Variants in BPGM observed in about 807,000 individuals in gnomAD.
BPGM encodes bisphosphoglycerate mutase.
In BPGM, 15 loss-of-function variants were observed where a neutral mutation model predicts 21.6. That is an observed-to-expected ratio of 0.70 (90% CI 0.47 to 1.07). BPGM has a LOEUF of 1.07. Ranked by LOEUF, BPGM falls within the 50% of genes least tolerant of loss-of-function variation. The pLI is 0.00. For synonymous variants in BPGM, 113 were observed against 116.2 expected, an observed-to-expected ratio of 0.97 and a Z score of 0.18; for missense variants, 273 against 319.0, an observed-to-expected ratio of 0.86 and a Z score of 1.10.
At chr7:134,662,945 T>C (rs1330458823) in intron 2 of BPGM, among the ~76,000 whole-genome samples, 1 of 152,242 alleles carries the variant, frequency 6.6e-6, no homozygotes, top group African/African-American at 2.4e-5. Flanking sequence ...TGTGACACCT[T>C]CTGGATTTCT....
At chr7:134,668,979 T>C (rs769106975) in intron 2 of BPGM, among the ~76,000 whole-genome samples, 4 of 152,218 alleles carry the variant, frequency 2.6e-5, no homozygotes, top group Non-Finnish European at 5.9e-5. Context: ...GATTGGTTAT[T>C]ACACTACTGT....
intron 2 of BPGM, among the ~76,000 whole-genome samples, chr7:134,669,403 T>G (rs1027850093): frequency 6.6e-6 from 1 of 152,154 alleles, no homozygotes; most frequent in African/African-American, 2.4e-5. Context: ...ATTTTTTTAT[T>G]TTTTTATCCC....
chr7:134,651,136 C>T (rs1015886613), intron 1 of BPGM, among the ~76,000 whole-genome samples: 1 of 152,188 alleles, frequency 6.6e-6, no homozygotes, highest in Non-Finnish European at 1.5e-5. Context: ...AAAACGTCAT[C>T]TGAGTGTCTA....
At chr7:134,653,080 A>G in intron 1 of BPGM, among the ~76,000 whole-genome samples, 3 of 152,354 alleles carry the variant, frequency 2.0e-5, no homozygotes, top group Middle Eastern at 3.4e-3. Context: ...AACGGTTGAA[A>G]TAAATTAATA....
chr7:134,659,466 T>C (rs1025097), intron 1 of BPGM, among the ~76,000 whole-genome samples: 88,269 of 151,564 alleles, frequency 0.58, 26,761 homozygotes, highest in East Asian at 0.89. Context: ...CTTTGTTAGA[T>C]TCATGACTAT....
chr7:134,667,509 C>T (rs1456812477), intron 2 of BPGM, among the ~76,000 whole-genome samples: 4 of 151,974 alleles, frequency 2.6e-5, no homozygotes, highest in Admixed American at 2.6e-4. Context: ...GGCTTGAGAT[C>T]AGCCTGGACA....
At chr7:134,672,243 G>A (rs544280203) in intron 2 of BPGM, among the ~76,000 whole-genome samples, 1 of 151,868 alleles carries the variant, frequency 6.6e-6, no homozygotes, top group East Asian at 2.0e-4. Context: ...CTTAAAGGCA[G>A]ACTTTAAGTA....
chr7:134,661,915 C>G lies in BPGM; in HGVS notation c.408C>G (p.Ile136Met). Residue 136 changes from isoleucine (I) to methionine (M), a missense_variant, in exon 2 of 3, where the codon ATC becomes ATG. Transcript: ENST00000344924. This position sits in a 1 kb window ranked among gnomAD's most constrained non-coding sequence, Gnocchi z 4.6. ...IEESHPYYQEIYNDRRYKVCD... is the reference protein window; with the variant it reads ...IEESHPYYQEMYNDRRYKVCD... The stretch of plus-strand genomic sequence containing the variant: ...AGTCTCATCCTTACTACCAAGAAAT[C>G]TACAACGACCGGAGGTATAAAGTAT... 2 of 1,612,488 alleles carry G rather than the reference C, an allele frequency of 1.2e-6. No individual in the cohort carries two copies. Among genetic ancestry groups the G allele is most frequent in the Non-Finnish European group, 1.7e-6 (2 of 1,178,708 alleles).
chr7:134,647,097 C>T (rs1463837529), intron 1 of BPGM, 160 bp downstream of exon 1: 2 of 153,236 alleles, frequency 1.3e-5, no homozygotes, highest in Non-Finnish European at 2.9e-5. Context: ...GGGACCCTCA[C>T]TTATCGCCCC....
chr7:134,679,279 G>A lies in BPGM; in HGVS notation c.*248G>A, dbSNP rs1274540083. The A allele has an allele frequency of 6.0e-6, 3 of 502,978 alleles. No individual in the cohort carries two copies. Among genetic ancestry groups the A allele is most frequent in the Non-Finnish European group, 1.1e-5 (3 of 279,706 alleles). The allele number at this position is 502,978 out of a possible 1,614,324, so 31.2% of individuals were successfully genotyped here. A position where few individuals can be genotyped will look rare whatever the true frequency, so the allele number is the denominator to read the frequency against. ...CGGTCACCAAACTAGTAACTAGTGG[G>A]GCTTAATGAAGGTCATAAGTTTCTG... On this transcript the variant is annotated 3_prime_UTR_variant, in exon 3 of 3. Transcript: ENST00000344924.
At chr7:134,667,432 G>A (rs1373476499) in intron 2 of BPGM, among the ~76,000 whole-genome samples, 1 of 152,160 alleles carries the variant, frequency 6.6e-6, no homozygotes, top group East Asian at 1.9e-4. Flanking sequence ...ATTGAGCTGG[G>A]TGTGGGGTCA....
At chr7:134,649,689 A>T (rs1243468301) in intron 1 of BPGM, among the ~76,000 whole-genome samples, 2 of 152,224 alleles carry the variant, frequency 1.3e-5, no homozygotes, top group African/African-American at 2.4e-5. Flanking sequence ...TTAAATGTTA[A>T]CCACTTCATT....
rs776248216 is a variant in BPGM at position 134,661,648 on chromosome 7, G to A, written c.141G>A (p.Ala47=). ...GGAACTGTGGGAAGCAACTCAAAGC[G>A]TTAAACTTTGAGTTTGATCTTGTAT... ...EARNCGKQLK[A]LNFEFDLVFT... is the part of the protein sequence containing the mutation. The change falls in exon 2 of 3, where the codon GCG becomes GCA. Residue 47 remains alanine (A), a synonymous_variant. Transcript: ENST00000344924. The surrounding 1 kb of genome is among the most constrained non-coding windows in gnomAD (Gnocchi z 4.6). The A allele has an allele frequency of 1.1e-5, 18 of 1,614,018 alleles. No individual in the cohort carries two copies. The highest frequency in any genetic ancestry group is 2.7e-5 in the African/African-American group (2 of 74,922).
chr7:134,655,724 G>A (rs927405267), intron 1 of BPGM, among the ~76,000 whole-genome samples: 4 of 152,184 alleles, frequency 2.6e-5, no homozygotes, highest in African/African-American at 9.7e-5. Context: ...TACTGTGGCA[G>A]TTACCACTAA....
chr7:134,651,156 C>G (rs1795549438), intron 1 of BPGM, among the ~76,000 whole-genome samples: 1 of 152,196 alleles, frequency 6.6e-6, no homozygotes, highest in South Asian at 2.1e-4. Flanking sequence ...AGGGTAGCAA[C>G]TGACTAATAT....
intron 1 of BPGM, among the ~76,000 whole-genome samples, chr7:134,657,564 G>A (rs982863668): frequency 1.3e-5 from 2 of 152,310 alleles, no homozygotes; most frequent in African/African-American, 2.4e-5. Flanking sequence ...GGGGAGGGGC[G>A]ATTTGGTCAG....
intron 2 of BPGM, among the ~76,000 whole-genome samples, chr7:134,664,173 A>G (rs930192107): frequency 4.6e-5 from 7 of 152,196 alleles, no homozygotes; most frequent in Admixed American, 3.9e-4. Flanking sequence ...ACGCCTACCC[A>G]TATAGCTATA....
chr7:134,650,736 C>G (rs565365715), intron 1 of BPGM, among the ~76,000 whole-genome samples: 3 of 152,314 alleles, frequency 2.0e-5, no homozygotes, highest in Non-Finnish European at 4.4e-5. Context: ...TCCTGGCTAA[C>G]ATGGTGAAAC....
chr7:134,675,935 T>A (rs1795978287), intron 2 of BPGM, among the ~76,000 whole-genome samples: 1 of 152,214 alleles, frequency 6.6e-6, no homozygotes, highest in South Asian at 2.1e-4. Context: ...TAGGTTAAAT[T>A]TATTTTTAGC....
Sources: allele counts gnomAD v4.1 joint callset (sites outside exome capture counted in the v4.1 genomes callset), GRCh38; gene constraint gnomAD v4.1.1; non-coding constraint Gnocchi (gnomAD v3.1); transcripts MANE v1.5; gene names NCBI Gene and HGNC (gene_info 2026-07-23, HGNC 2026-07-21).